Variants in FLRT1 observed in about 807,000 individuals in gnomAD.
The protein encoded by FLRT1 is leucine-rich repeat transmembrane protein FLRT1.
Under a neutral mutation model 30.9 loss-of-function variants are expected in FLRT1, and 14 were observed. The observed-to-expected ratio is 0.45, with a 90% CI of 0.30 to 0.71. FLRT1 has a LOEUF of 0.71. Among genes scored for constraint, FLRT1 ranks in the 30% least tolerant of loss-of-function variants. The pLI is 0.08. For missense variants in FLRT1, 737 were observed against 949.2 expected (o/e 0.78, Z 2.94); for synonymous variants, 368 against 430.4 (o/e 0.85, Z 1.80).
chr11:64,059,601 G>A (rs1301504875), intron 1 of FLRT1, among the ~76,000 whole-genome samples: 1 of 152,166 alleles, frequency 6.6e-6, no homozygotes, highest in Non-Finnish European at 1.5e-5. Flanking sequence ...GTGTGCCTCC[G>A]CAGGGGTCTC....
intron 1 of FLRT1, among the ~76,000 whole-genome samples, chr11:64,066,142 C>A (rs950226372): frequency 6.6e-6 from 1 of 151,434 alleles, no homozygotes; most frequent in Non-Finnish European, 1.5e-5. Flanking sequence ...ACTAAAAATA[C>A]AAGAATTAGC....
rs1461678103 is a variant in FLRT1, at chr11:64,090,874, T to A, written c.-1037-12320T>A. On this transcript the variant is annotated intron_variant, in intron 1 of 2. Coordinates refer to ENST00000682287, the MANE Select transcript of FLRT1 (RefSeq NM_013280.5). The surrounding 1 kb of genome is among the most constrained non-coding windows in gnomAD (Gnocchi z 4.7). The stretch of plus-strand genomic sequence containing the variant: ...TCCCAGGGAGCCCTGAGGGACGAAG[T>A]AAAGCAGGAGAGGGCAGGGGGAGGG... 2.6e-5 allele frequency among the ~76,000 whole-genome samples: 4 copies of A among 151,654 alleles called. No homozygotes were observed. Among genetic ancestry groups the A allele is most frequent in the Non-Finnish European group, 5.9e-5 (4 of 67,902 alleles).
At chr11:64,086,789 G>C (rs908422961) in intron 1 of FLRT1, 3 of 152,280 alleles carry the variant, frequency 2.0e-5, no homozygotes, top group Non-Finnish European at 2.9e-5. Flanking sequence ...GGAGCTGGAC[G>C]TGAGCCCTCA....
At chr11:64,078,775 G>A (rs190750063) in intron 1 of FLRT1, among the ~76,000 whole-genome samples, 9 of 152,108 alleles carry the variant, frequency 5.9e-5, no homozygotes, top group Non-Finnish European at 1.3e-4. Context: ...CCCAAAAGAC[G>A]GGTGACTGCA....
At chr11:64,113,234 A>C (rs1236040516) in intron 2 of FLRT1, among the ~76,000 whole-genome samples, 2 of 152,272 alleles carry the variant, frequency 1.3e-5, no homozygotes, top group Non-Finnish European at 2.9e-5. Context: ...CTTAAATATT[A>C]GGAAAGTTCT....
chr11:64,108,267 C>T (rs573928768), intron 2 of FLRT1, among the ~76,000 whole-genome samples: 2 of 150,874 alleles, frequency 1.3e-5, no homozygotes, highest in East Asian at 1.9e-4. Context: ...GAGCCAAGAT[C>T]GTACCATTGC....
chr11:64,047,971 T>G (rs1323785671), intron 1 of FLRT1, among the ~76,000 whole-genome samples: 1 of 150,654 alleles, frequency 6.6e-6, no homozygotes, highest in African/African-American at 2.4e-5. Context: ...GGGACCCTGA[T>G]GGTGGATAGG....
At chr11:64,112,947 G>A (rs186858592) in intron 2 of FLRT1, among the ~76,000 whole-genome samples, 1 of 152,340 alleles carries the variant, frequency 6.6e-6, no homozygotes, top group Admixed American at 6.5e-5. Context: ...TCTGTCATCG[G>A]GTGGTCACTG....
chr11:64,052,539 A>G (rs1303312539), intron 1 of FLRT1, among the ~76,000 whole-genome samples: 3 of 152,186 alleles, frequency 2.0e-5, no homozygotes, highest in Non-Finnish European at 4.4e-5. Context: ...GATGGTCAGG[A>G]GCAGGACAGT....
chr11:64,055,745 G>A (rs1943773921), intron 1 of FLRT1, among the ~76,000 whole-genome samples: 1 of 152,186 alleles, frequency 6.6e-6, no homozygotes, highest in Admixed American at 6.5e-5. Flanking sequence ...GTGGCAGGGG[G>A]ATTCCCTGCT....
intron 1 of FLRT1, among the ~76,000 whole-genome samples, chr11:64,062,591 C>A (rs963274819): frequency 1.3e-5 from 2 of 152,162 alleles, no homozygotes; most frequent in Non-Finnish European, 2.9e-5. Flanking sequence ...CCACCATGTA[C>A]AGGCACTGTC....
At chr11:64,084,173 C>T (rs7115143) in intron 1 of FLRT1, among the ~76,000 whole-genome samples, 33,343 of 152,108 alleles carry the variant, frequency 0.22, 4,508 homozygotes, top group East Asian at 0.48. Flanking sequence ...TTCTGCAGTC[C>T]TGGAGGATGC....
At chr11:64,052,009 G>A (rs1421044008) in intron 1 of FLRT1, among the ~76,000 whole-genome samples, 3 of 151,786 alleles carry the variant, frequency 2.0e-5, no homozygotes, top group Non-Finnish European at 2.9e-5. Flanking sequence ...GGCGAGAGCT[G>A]GGGGCTTGCT....
intron 1 of FLRT1, among the ~76,000 whole-genome samples, chr11:64,073,119 G>A (rs1189340756): frequency 1.3e-5 from 2 of 152,192 alleles, no homozygotes; most frequent in Non-Finnish European, 2.9e-5. Flanking sequence ...GCTGCGGAGG[G>A]GGCCAGGGAC....
chr11:64,048,350 C>T (rs2014328), intron 1 of FLRT1, among the ~76,000 whole-genome samples: 21,235 of 152,218 alleles, frequency 0.14, 1,866 homozygotes, highest in Non-Finnish European at 0.19. Flanking sequence ...TGCCCTGACC[C>T]GGGGTCAGCA....
At chr11:64,094,621 G>C (rs1283065209) in intron 1 of FLRT1, among the ~76,000 whole-genome samples, 1 of 152,162 alleles carries the variant, frequency 6.6e-6, no homozygotes, top group African/African-American at 2.4e-5. Context: ...ATTGGGTCGC[G>C]TACGTCATGG....
chr11:64,112,525 A>G (rs1846466548), intron 2 of FLRT1, among the ~76,000 whole-genome samples: 1 of 152,192 alleles, frequency 6.6e-6, no homozygotes, highest in South Asian at 2.1e-4. Flanking sequence ...AAAGCAAAAC[A>G]AGGCAAAACA....
chr11:64,105,683 G>A (rs1045439016), intron 2 of FLRT1, among the ~76,000 whole-genome samples: 2 of 152,210 alleles, frequency 1.3e-5, no homozygotes, highest in African/African-American at 4.8e-5. Flanking sequence ...AGACATGCTG[G>A]TGGAGAAGAG....
At chr11:64,081,604 G>C (rs1032285202) in intron 1 of FLRT1, 2 of 146,708 alleles carry the variant, frequency 1.4e-5, no homozygotes, top group African/African-American at 4.9e-5. Context: ...CAAAGACAGG[G>C]AGCAAGGTGA....
Sources: allele counts gnomAD v4.1 joint callset (sites outside exome capture counted in the v4.1 genomes callset), GRCh38; gene constraint gnomAD v4.1.1; non-coding constraint Gnocchi (gnomAD v3.1); transcripts MANE v1.5; gene names NCBI Gene and HGNC (gene_info 2026-07-23, HGNC 2026-07-21).